The following UBIAD1 variants were observed in gnomAD, a reference collection of about 807,000 sequenced individuals.
UBIAD1 encodes UbiA prenyltransferase domain containing 1.
A neutral mutation model predicts 20.1 loss-of-function variants in UBIAD1; 12 were observed. The observed-to-expected ratio is 0.60, with a 90% CI of 0.38 to 0.97. UBIAD1 has a LOEUF of 0.97. UBIAD1 is among the 50% of genes least tolerant of loss of function. The pLI, the probability that UBIAD1 is intolerant of heterozygous loss-of-function variation, is 0.00. For synonymous variants in UBIAD1, 207 were observed against 189.2 expected (o/e 1.09, Z -0.77); for missense variants, 333 against 419.5 (o/e 0.79, Z 1.80).
rs1424860794 is a variant in UBIAD1, at chr1:11,273,623, G to A, written c.92G>A (p.Cys31Tyr). 6.2e-6 allele frequency: 10 copies of A among 1,614,068 alleles called. No homozygotes were observed. The highest frequency in any genetic ancestry group is 8.5e-6 in the Non-Finnish European group (10 of 1,180,048). ...AGDRDPLGNDCPEQDRLPQRS... is the reference protein window; with the variant it reads ...AGDRDPLGNDYPEQDRLPQRS... ...GACAGGGACCCGCTGGGGAACGACT[G>A]TCCCGAGCAAGATAGGCTCCCCCAG... Residue 31 changes from cysteine to tyrosine, a missense_variant, in exon 1 of 2, where the codon TGT becomes TAT. Coordinates refer to ENST00000376810, the MANE Select transcript of UBIAD1 (RefSeq NM_013319.3). The surrounding 1 kb of genome is among the most constrained non-coding windows in gnomAD (Gnocchi z 4.9).
chr1:11,273,486 G>A lies in UBIAD1; in HGVS notation c.-46G>A. The A allele has an allele frequency of 6.2e-7, 1 of 1,608,750 alleles. No homozygotes were observed. The highest frequency in any genetic ancestry group is 8.5e-7 in the Non-Finnish European group (1 of 1,179,760). ...CCTTCCTCCTTCCCGGGCGGTCACT[G>A]TGCGTGGCTCACTTTTAGAGTTTAC... On this transcript the variant is annotated 5_prime_UTR_variant, in exon 1 of 2. It adds an upstream start codon to the 5' untranslated region. Transcript: ENST00000376810. The surrounding 1 kb of genome is among the most constrained non-coding windows in gnomAD (Gnocchi z 4.9).
At chr1:11,289,279 A>G (rs2101025962), downstream of UBIAD1, among the ~76,000 whole-genome samples, 1 of 152,320 alleles carries the variant, frequency 6.6e-6, no homozygotes, top group Middle Eastern at 3.4e-3. Flanking sequence ...CGCTGGATTC[A>G]ACACCTGTTA....
chr1:11,292,126 C>T (rs2101027802), downstream of UBIAD1: 1 of 152,402 alleles, frequency 6.6e-6, no homozygotes, highest in Non-Finnish European at 1.5e-5. Flanking sequence ...GCCTCAGCCT[C>T]CTGAGTAGCT....
intron 1 of UBIAD1, among the ~76,000 whole-genome samples, chr1:11,276,487 A>C (rs1369201018): frequency 6.6e-6 from 1 of 152,026 alleles, no homozygotes; most frequent in East Asian, 1.9e-4. Flanking sequence ...AACATGGTGA[A>C]ACCTTGTCTG....
rs992202702 is a variant in UBIAD1, at chr1:11,287,644, G to A, written c.*1513G>A. 6 of 152,302 alleles carry A rather than the reference G, an allele frequency of 3.9e-5. No individual in the cohort carries two copies. Among genetic ancestry groups the A allele is most frequent in the East Asian group, 1.9e-4 (1 of 5,174 alleles). 9.4% of individuals were successfully genotyped at this position (152,302 alleles called of 1,614,324 possible). Reference sequence around the variant, plus strand: ...AAAAACATGTTTGAAAATTGCAAAAGTTCCGCCGGGCGCGGTGGCTCATGC... The same window carrying A: ...AAAAACATGTTTGAAAATTGCAAAAATTCCGCCGGGCGCGGTGGCTCATGC... On this transcript the variant is annotated 3_prime_UTR_variant, in exon 2 of 2. Transcript: ENST00000376810.
intron 1 of UBIAD1, among the ~76,000 whole-genome samples, chr1:11,280,909 G>A (rs1250072571): frequency 6.6e-6 from 1 of 152,110 alleles, no homozygotes; most frequent in African/African-American, 2.4e-5. Flanking sequence ...GAACTCTTCA[G>A]TGGCTCCCAT....
Position 11,277,275 on chromosome 1 carries a change from T to C in UBIAD1, c.529+3215T>C, listed in dbSNP as rs184535082. On this transcript the variant is annotated intron_variant, in intron 1 of 1. Coordinates refer to ENST00000376810, the MANE Select transcript of UBIAD1 (RefSeq NM_013319.3). ...AAAAAATCAAACACATTTGTGACAGTGTTCATTGTACCTGCTACTTTTTTT... is the reference window on the plus strand; with the variant it reads ...AAAAAATCAAACACATTTGTGACAGCGTTCATTGTACCTGCTACTTTTTTT... Among the ~76,000 whole-genome samples, 569 of 148,348 alleles carry C rather than the reference T, an allele frequency of 3.8e-3. 2 individuals carry two copies. The highest frequency in any genetic ancestry group is 5.0e-3 in the Non-Finnish European group (341 of 67,604).
At chr1:11,282,275 C>A (rs938132662) in intron 1 of UBIAD1, among the ~76,000 whole-genome samples, 3 of 152,180 alleles carry the variant, frequency 2.0e-5, no homozygotes, top group African/African-American at 7.2e-5. Flanking sequence ...ATTCTGGCTG[C>A]CGTGTGGAGA....
chr1:11,291,084 A>G (rs1025906370), downstream of UBIAD1, among the ~76,000 whole-genome samples: 21 of 152,234 alleles, frequency 1.4e-4, no homozygotes, highest in Non-Finnish European at 2.9e-4. Context: ...CTAGAATTTA[A>G]TATGATCTGA....
At chr1:11,291,058 ATTAATATGATCTGAGCTAGAAT>A (rs1463937815), downstream of UBIAD1, among the ~76,000 whole-genome samples, 3 of 152,226 alleles carry the variant, frequency 2.0e-5, no homozygotes, top group Non-Finnish European at 4.4e-5. Flanking sequence ...TTCCATGCAG[ATTAATATGATCTGAGCTAGAAT>A]TTAATATGAT....
chr1:11,294,286 A>G (rs2101029098), intron 1 of UBIAD1, among the ~76,000 whole-genome samples: 1 of 152,158 alleles, frequency 6.6e-6, no homozygotes, highest in Admixed American at 6.5e-5. Context: ...ATCTTGCTCT[A>G]ATTCAGTGCA....
chr1:11,275,558 T>C (rs1471581103), intron 1 of UBIAD1, among the ~76,000 whole-genome samples: 2 of 151,984 alleles, frequency 1.3e-5, no homozygotes, highest in Admixed American at 6.6e-5. Flanking sequence ...CTGGGCAACA[T>C]AGACCCCTGT....
chr1:11,274,406 C>A (rs913471892), intron 1 of UBIAD1, among the ~76,000 whole-genome samples: 1 of 152,096 alleles, frequency 6.6e-6, no homozygotes, highest in Non-Finnish European at 1.5e-5. Context: ...TCAAGCGATT[C>A]TCCTGCCTCA....
downstream of UBIAD1, among the ~76,000 whole-genome samples, chr1:11,298,730 G>A (rs1451160355): frequency 6.6e-6 from 1 of 152,182 alleles, no homozygotes; most frequent in Non-Finnish European, 1.5e-5. The surrounding 1 kb of genome is among the most constrained non-coding windows in gnomAD (Gnocchi z 4.0). Context: ...AACGTGAAGG[G>A]AACCCAATGC....
chr1:11,281,016 C>T (rs1232466312), intron 1 of UBIAD1, among the ~76,000 whole-genome samples: 1 of 152,048 alleles, frequency 6.6e-6, no homozygotes, highest in African/African-American at 2.4e-5. Flanking sequence ...CTGACCCACC[C>T]TCCTCCTTTC....
intron 1 of UBIAD1, among the ~76,000 whole-genome samples, chr1:11,283,142 G>C (rs1029153643): frequency 2.0e-5 from 3 of 152,186 alleles, no homozygotes; most frequent in Admixed American, 6.6e-5. Flanking sequence ...GATTACAGGC[G>C]TGAGCCACCA....
At position 11,286,802 on chromosome 1, in the gene UBIAD1, A is replaced by G; in HGVS notation, c.*671A>G. On this transcript the variant is annotated 3_prime_UTR_variant, in exon 2 of 2. Transcript: ENST00000376810. ...GCAGCAAGACAAGCCAAGGACTGGG[A>G]GGGAAAAAAAAACCACTCTGGAGGC... 1 of 151,372 alleles carries G rather than the reference A, an allele frequency of 6.6e-6. No individual in the cohort carries two copies. Among genetic ancestry groups the G allele is most frequent in the Non-Finnish European group, 1.5e-5 (1 of 68,644 alleles). The allele number at this position is 151,372 out of a possible 1,614,324, so 9.4% of individuals were successfully genotyped here.
In UBIAD1 at chr1:11,273,795, C is replaced by A; in HGVS notation, c.264C>A (p.Ala88=). The change falls in exon 1 of 2, where the codon GCC becomes GCA. Residue 88 remains alanine (A), a synonymous_variant. Coordinates refer to ENST00000376810, the MANE Select transcript of UBIAD1 (RefSeq NM_013319.3). The surrounding 1 kb of genome is among the most constrained non-coding windows in gnomAD (Gnocchi z 4.9). ...VLDPRLLVGC[A]VAVLAVHGAG... is the part of the protein sequence containing the mutation. ...ATCCCAGGCTCTTGGTGGGTTGTGC[C>A]GTGGCTGTCCTGGCTGTGCACGGGG... is the stretch of plus-strand genomic sequence containing the variant. The A allele has an allele frequency of 6.2e-7, 1 of 1,614,130 alleles. No individual in the cohort carries two copies. The highest frequency in any genetic ancestry group is 8.5e-7 in the Non-Finnish European group (1 of 1,180,022).
intron 1 of UBIAD1, among the ~76,000 whole-genome samples, chr1:11,275,220 T>C (rs892227934): frequency 6.6e-6 from 1 of 152,192 alleles, no homozygotes; most frequent in African/African-American, 2.4e-5. Flanking sequence ...AAAATTATAG[T>C]TAGGGTGACC....
Sources: allele counts gnomAD v4.1 joint callset (sites outside exome capture counted in the v4.1 genomes callset), GRCh38; gene constraint gnomAD v4.1.1; non-coding constraint Gnocchi (gnomAD v3.1); transcripts MANE v1.5; gene names NCBI Gene and HGNC (gene_info 2026-07-23, HGNC 2026-07-21).